Variants in NCKAP5 observed in about 807,000 individuals in gnomAD.
The protein encoded by NCKAP5 is nck-associated protein 5.
NCKAP5 carries 92 observed loss-of-function variants against 167.0 expected under a neutral mutation model. That is an observed-to-expected ratio of 0.55 (90% CI 0.47 to 0.66). The LOEUF is 0.66. NCKAP5 is among the 30% of genes least tolerant of loss of function. The pLI, the probability that NCKAP5 is intolerant of heterozygous loss-of-function variation, is 0.00. For synonymous variants in NCKAP5, 891 were observed against 877.4 expected (o/e 1.02, Z -0.27); for missense variants, 2,378 against 2,315.0 (o/e 1.03, Z -0.56).
the NCKAP5 span, among the ~76,000 whole-genome samples, chr2:133,589,510 G>GGA: frequency 1.3e-5 from 2 of 152,150 alleles, no homozygotes; most frequent in African/African-American, 2.4e-5. Context: ...CTGGGACTCA[G>GGA]GAGAGAGAGA....
chr2:133,315,211 A>G (rs1300451509), intron 3 of NCKAP5, among the ~76,000 whole-genome samples: 1 of 152,168 alleles, frequency 6.6e-6, no homozygotes, highest in Non-Finnish European at 1.5e-5. Context: ...AGCTGAGGCC[A>G]CTGGAAGGAG....
intron 3 of NCKAP5, among the ~76,000 whole-genome samples, chr2:133,430,892 G>A (rs532998411): frequency 6.6e-6 from 1 of 151,770 alleles, no homozygotes; most frequent in East Asian, 1.9e-4. Context: ...AGGAGTGAGG[G>A]AAGCCTATTC....
intron 11 of NCKAP5, among the ~76,000 whole-genome samples, chr2:132,831,449 C>T (rs192724403): frequency 3.3e-5 from 5 of 152,224 alleles, no homozygotes; most frequent in Admixed American, 6.5e-5. Context: ...TATTTGTCAA[C>T]CAACAATGTT....
rs146349218 is a variant in NCKAP5 at position 133,234,171 on chromosome 2, T to G, written c.144-20392A>C. Among the ~76,000 whole-genome samples the G allele has an allele frequency of 5.1e-4, 78 of 152,260 alleles. 1 individual carries two copies. Among genetic ancestry groups the G allele is most frequent in the African/African-American group, 1.8e-3 (73 of 41,564 alleles). On this transcript the variant is annotated intron_variant, in intron 4 of 19. Coordinates refer to ENST00000409261, the MANE Select transcript of NCKAP5 (RefSeq NM_207363.3). ...AGAATGTCAGGAAGGGAGACTCTTATGAAGGGGATTTCAAGGCTGGTCATC... is the reference window on the plus strand; with the variant it reads ...AGAATGTCAGGAAGGGAGACTCTTAGGAAGGGGATTTCAAGGCTGGTCATC...
intron 4 of NCKAP5, among the ~76,000 whole-genome samples, chr2:133,223,892 T>C (rs1021956300): frequency 6.6e-6 from 1 of 152,146 alleles, no homozygotes; most frequent in Non-Finnish European, 1.5e-5. Context: ...AATTAAGGAA[T>C]GTACCCCAAT....
At chr2:133,622,591 A>G in the NCKAP5 span, among the ~76,000 whole-genome samples, 1 of 152,174 alleles carries the variant, frequency 6.6e-6, no homozygotes, top group African/African-American at 2.4e-5. Flanking sequence ...CAAGGAATAT[A>G]CTTAACCAAG....
the NCKAP5 span, among the ~76,000 whole-genome samples, chr2:133,644,057 G>T: frequency 6.6e-6 from 1 of 152,200 alleles, no homozygotes; most frequent in Middle Eastern, 3.4e-3. Context: ...GTACTGTGAT[G>T]GTTAATTTTA....
intron 6 of NCKAP5, among the ~76,000 whole-genome samples, chr2:133,105,329 A>G (rs935221862): frequency 6.6e-6 from 1 of 152,136 alleles, no homozygotes; most frequent in Non-Finnish European, 1.5e-5. Context: ...TTTTTTGTTT[A>G]CTTGATGGTT....
intron 5 of NCKAP5, among the ~76,000 whole-genome samples, chr2:133,192,503 T>C (rs1190129079): frequency 2.0e-5 from 3 of 151,922 alleles, no homozygotes; most frequent in Non-Finnish European, 2.9e-5. Flanking sequence ...ATACCACATA[T>C]ACTACCAAGG....
chr2:133,371,196 A>G (rs1302109992), intron 3 of NCKAP5, among the ~76,000 whole-genome samples: 1 of 152,230 alleles, frequency 6.6e-6, no homozygotes, highest in Non-Finnish European at 1.5e-5. Context: ...ATTTGCACCA[A>G]CAAATTTTTG....
chr2:133,544,946 C>A (rs1686532499), intron 2 of NCKAP5, among the ~76,000 whole-genome samples: 1 of 152,174 alleles, frequency 6.6e-6, no homozygotes, highest in South Asian at 2.1e-4. Flanking sequence ...TGATCAATAT[C>A]ATTAACCCAG....
intron 8 of NCKAP5, among the ~76,000 whole-genome samples, chr2:132,956,116 G>C (rs1360613705): frequency 1.3e-5 from 2 of 152,102 alleles, no homozygotes; most frequent in African/African-American, 4.8e-5. Flanking sequence ...AAAATGTTAA[G>C]TATGAGGTGA....
intron 3 of NCKAP5, among the ~76,000 whole-genome samples, chr2:133,430,464 G>T (rs926497105): frequency 1.3e-5 from 2 of 152,032 alleles, no homozygotes; most frequent in Admixed American, 1.3e-4. Context: ...ATGACGTGAA[G>T]AGTATTTCCT....
intron 6 of NCKAP5, among the ~76,000 whole-genome samples, chr2:133,081,742 T>C (rs2080815610): frequency 6.6e-6 from 1 of 152,130 alleles, no homozygotes; most frequent in Non-Finnish European, 1.5e-5. Context: ...AAGATGGCCT[T>C]TTGGGAAAAT....
chr2:133,255,963 C>A (rs904357898), intron 4 of NCKAP5, among the ~76,000 whole-genome samples: 1 of 151,992 alleles, frequency 6.6e-6, no homozygotes, highest in African/African-American at 2.4e-5. Flanking sequence ...TTTATTTTTC[C>A]AAAGGCCCCA....
At chr2:132,922,203 T>A (rs961990424) in intron 8 of NCKAP5, among the ~76,000 whole-genome samples, 1 of 152,162 alleles carries the variant, frequency 6.6e-6, no homozygotes, top group African/African-American at 2.4e-5. Flanking sequence ...TTCTTACTAA[T>A]GCATTAAGGA....
intron 8 of NCKAP5, among the ~76,000 whole-genome samples, chr2:132,904,613 A>G (rs1158681264): frequency 1.3e-5 from 2 of 152,182 alleles, no homozygotes; most frequent in Non-Finnish European, 2.9e-5. Context: ...GGCTATATCA[A>G]ATTTCACTTC....
the NCKAP5 span, among the ~76,000 whole-genome samples, chr2:133,608,530 C>T: frequency 2.6e-5 from 4 of 152,174 alleles, no homozygotes; most frequent in Non-Finnish European, 4.4e-5. Context: ...GGATTAGAGA[C>T]AGGGCTTTGT....
At chr2:133,086,395 T>G (rs889988608) in intron 6 of NCKAP5, among the ~76,000 whole-genome samples, 1 of 152,112 alleles carries the variant, frequency 6.6e-6, no homozygotes, top group Non-Finnish European at 1.5e-5. Context: ...CTCCGCACTA[T>G]GGGAGAACGA....
Sources: gnomAD v4.1 joint callset for allele counts (sites outside exome capture counted in the v4.1 genomes callset) on GRCh38, gnomAD v4.1.1 for gene constraint, MANE v1.5 for transcripts, NCBI Gene and HGNC (gene_info 2026-07-23, HGNC 2026-07-21) for gene names.